Variants in MAP3K4 observed in about 807,000 individuals in gnomAD.
MAP3K4 encodes mitogen-activated protein kinase kinase kinase 4, also known as MAP three kinase 1.
A neutral mutation model predicts 185.6 loss-of-function variants in MAP3K4; 67 were observed. The observed-to-expected ratio is 0.36, with a 90% CI of 0.30 to 0.44. The LOEUF is 0.44. Ranked by LOEUF, MAP3K4 falls within the 20% of genes least tolerant of loss-of-function variation. The pLI is 1.00. For synonymous variants in MAP3K4, 702 were observed against 710.4 expected (o/e 0.99, Z 0.19); for missense variants, 1,551 against 1,995.1 (o/e 0.78, Z 4.24).
Position 161,087,656 on chromosome 6 carries a change from T to C in MAP3K4, c.2557-32T>C. The C allele has an allele frequency of 6.2e-7, 1 of 1,610,050 alleles. No individual in the cohort carries two copies. The highest frequency in any genetic ancestry group is 1.1e-5 in the South Asian group (1 of 90,892). The stretch of plus-strand genomic sequence containing the variant: ...TAACCTATTTCTCTAATGTACAGTG[T>C]TCCTTAAGATTTTGGATTATGTCTT... On this transcript the variant is annotated intron_variant, in intron 9 of 26. Coordinates refer to ENST00000392142, the MANE Select transcript of MAP3K4 (RefSeq NM_005922.4). The surrounding 1 kb of genome is among the most constrained non-coding windows in gnomAD (Gnocchi z 4.9).
rs1309759463 is a variant in MAP3K4, at chr6:161,114,818, T to C, written c.4627-305T>C. Among the ~76,000 whole-genome samples, 1 of 152,208 alleles carries C rather than the reference T, an allele frequency of 6.6e-6. No homozygotes were observed. Among genetic ancestry groups the C allele is most frequent in the Non-Finnish European group, 1.5e-5 (1 of 68,030 alleles). On this transcript the variant is annotated intron_variant, in intron 25 of 26. Transcript: ENST00000392142. This position sits in a 1 kb window ranked among gnomAD's most constrained non-coding sequence, Gnocchi z 4.3. ...GGCTTCTAGATACTGTTGGACTAAA[T>C]AGTGCACCCCAAATGGAGTAGGCAA... is the stretch of plus-strand genomic sequence containing the variant.
intron 1 of MAP3K4, among the ~76,000 whole-genome samples, chr6:161,031,790 A>C (rs1238480022): frequency 6.6e-6 from 1 of 152,236 alleles, no homozygotes; most frequent in Non-Finnish European, 1.5e-5. Context: ...TTAAAATTCC[A>C]GATTATTAGT....
chr6:161,094,426 CAATG>C (rs537737983), intron 15 of MAP3K4, among the ~76,000 whole-genome samples: 19 of 152,214 alleles, frequency 1.2e-4, no homozygotes, highest in East Asian at 7.7e-4. Flanking sequence ...TTTACAGTAA[CAATG>C]AATGATTAAC....
chr6:161,076,535 G>A lies in MAP3K4; in HGVS notation c.2097+2923G>A, dbSNP rs1020339039. ...GGAACATCAAATCTAAATCAAAGCT[G>A]TGAATTGTTATCTCATTTCCTGGGT... On this transcript the variant is annotated intron_variant, in intron 5 of 26. Transcript: ENST00000392142. This position sits in a 1 kb window ranked among gnomAD's most constrained non-coding sequence, Gnocchi z 4.2. 1.3e-5 allele frequency among the ~76,000 whole-genome samples: 2 copies of A among 152,206 alleles called. No individual in the cohort carries two copies. The highest frequency in any genetic ancestry group is 2.4e-5 in the African/African-American group (1 of 41,454).
At chr6:161,028,923 A>G (rs540797325) in intron 1 of MAP3K4, among the ~76,000 whole-genome samples, 1 of 152,348 alleles carries the variant, frequency 6.6e-6, no homozygotes, top group East Asian at 1.9e-4. Context: ...TGGATAACTT[A>G]TTAATAAATT....
Position 161,073,907 on chromosome 6 carries a change from C to T in MAP3K4, c.2097+295C>T, listed in dbSNP as rs1390877979. Among the ~76,000 whole-genome samples the T allele has an allele frequency of 6.6e-6, 1 of 152,152 alleles. No individual in the cohort carries two copies. Among genetic ancestry groups the T allele is most frequent in the Non-Finnish European group, 1.5e-5 (1 of 68,010 alleles). ...TTTTAAGTTGGAAGTTTTTGACAAA[C>T]GTTAACCTAGTTCATTCTTTACTTG... On this transcript the variant is annotated intron_variant, in intron 5 of 26. Transcript: ENST00000392142. This position sits in a 1 kb window ranked among gnomAD's most constrained non-coding sequence, Gnocchi z 4.2.
chr6:161,050,768 T>C (rs1422868862), intron 3 of MAP3K4, among the ~76,000 whole-genome samples: 2 of 152,224 alleles, frequency 1.3e-5, no homozygotes, highest in African/African-American at 4.8e-5. Context: ...GTGATTTTGC[T>C]TTTCTGGTGA....
At chr6:161,003,532 A>G (rs955303774) in intron 1 of MAP3K4, among the ~76,000 whole-genome samples, 11 of 152,168 alleles carry the variant, frequency 7.2e-5, no homozygotes, top group Admixed American at 1.3e-4. Context: ...TAAACATTAC[A>G]TCAGAAGACT....
rs1011092076 is a variant in MAP3K4 at position 160,996,376 on chromosome 6, A to G, written c.152+4293A>G. On this transcript the variant is annotated intron_variant, in intron 1 of 26. Coordinates refer to ENST00000392142, the MANE Select transcript of MAP3K4 (RefSeq NM_005922.4). This position sits in a 1 kb window ranked among gnomAD's most constrained non-coding sequence, Gnocchi z 4.5. ...TGTTAGAGGCCACTCTGTTTCCTTC[A>G]TGTATGCTCTCATGGTGTCCTGCAA... Among the ~76,000 whole-genome samples, 12 of 152,134 alleles carry G rather than the reference A, an allele frequency of 7.9e-5. No homozygotes were observed. The highest frequency in any genetic ancestry group is 2.9e-4 in the African/African-American group (12 of 41,414).
At chr6:161,047,479 T>TATATATA (rs1783787474) in intron 2 of MAP3K4, among the ~76,000 whole-genome samples, 4 of 152,098 alleles carry the variant, frequency 2.6e-5, no homozygotes, top group African/African-American at 4.8e-5. Flanking sequence ...ATATATAACG[T>TATATATA]TCTAATTTCA....
chr6:161,006,625 C>T (rs921813963), intron 1 of MAP3K4, among the ~76,000 whole-genome samples: 2 of 152,116 alleles, frequency 1.3e-5, no homozygotes, highest in Non-Finnish European at 2.9e-5. Context: ...TACTTATCTG[C>T]GAGCCAGTCA....
At chr6:161,045,924 CCTTT>C (rs1783711023) in intron 2 of MAP3K4, among the ~76,000 whole-genome samples, 1 of 152,100 alleles carries the variant, frequency 6.6e-6, no homozygotes, top group African/African-American at 2.4e-5. Flanking sequence ...GTCTTCATTG[CCTTT>C]CTTCTGCACA....
intron 3 of MAP3K4, among the ~76,000 whole-genome samples, chr6:161,059,837 G>A (rs1029780535): frequency 4.9e-5 from 7 of 142,218 alleles, no homozygotes; most frequent in Non-Finnish European, 1.1e-4. Context: ...TTTCTAAAGT[G>A]TTTTAGTCTG....
intron 1 of MAP3K4, among the ~76,000 whole-genome samples, chr6:161,026,562 T>A (rs1782671382): frequency 6.6e-6 from 1 of 152,136 alleles, no homozygotes; most frequent in African/African-American, 2.4e-5. Context: ...TTGGAGGTAG[T>A]AGATTTGGTA....
chr6:161,040,420 CAA>C (rs1679204235), intron 2 of MAP3K4, among the ~76,000 whole-genome samples: 4 of 152,124 alleles, frequency 2.6e-5, no homozygotes, highest in Non-Finnish European at 4.4e-5. Flanking sequence ...CGTGAGGAAT[CAA>C]AGAAAGTTAT....
chr6:161,021,393 C>G (rs73784714), intron 1 of MAP3K4, among the ~76,000 whole-genome samples: 6,651 of 152,266 alleles, frequency 0.044, 471 homozygotes, highest in African/African-American at 0.15. Flanking sequence ...GCTCCTTTCA[C>G]TCTCAGATGA....
At position 161,108,854 on chromosome 6, in the gene MAP3K4, C is replaced by T; in HGVS notation, c.4231C>T (p.His1411Tyr). The change falls in exon 22 of 27, where the codon CAT becomes TAT. Residue 1411 changes from histidine (H) to tyrosine (Y), a missense_variant. By Grantham distance (83) the His-to-Tyr change is moderately conservative. This residue lies in a region of MAP3K4 where 159 missense variants were observed against 300.5 expected (regional missense o/e 0.53). Coordinates refer to ENST00000392142, the MANE Select transcript of MAP3K4 (RefSeq NM_005922.4). The surrounding 1 kb of genome is among the most constrained non-coding windows in gnomAD (Gnocchi z 5.7). Reference sequence around the variant, plus strand: ...GGTTCGGTATTTTGGTGTGGAGCTCCATAGAGTAAGCCGACCCTAATGCCA... The same window carrying T: ...GGTTCGGTATTTTGGTGTGGAGCTCTATAGAGTAAGCCGACCCTAATGCCA... ...NLVRYFGVELHREEMYIFMEY... is the reference protein window; with the variant it reads ...NLVRYFGVELYREEMYIFMEY... The T allele has an allele frequency of 6.2e-7, 1 of 1,612,966 alleles. No homozygotes were observed. The highest frequency in any genetic ancestry group is 8.5e-7 in the Non-Finnish European group (1 of 1,179,002).
rs1162552070 is a variant in MAP3K4, at chr6:161,093,702, T to G, written c.3349-71T>G. On this transcript the variant is annotated intron_variant, in intron 14 of 26. Coordinates refer to ENST00000392142, the MANE Select transcript of MAP3K4 (RefSeq NM_005922.4). The surrounding 1 kb of genome is among the most constrained non-coding windows in gnomAD (Gnocchi z 5.2). ...TTTAAAAATATACTGAAAATTAATT[T>G]GTGCTACTTACATAATTAAGAAAGT... 1.2e-6 allele frequency: 1 copy of G among 850,346 alleles called. No individual in the cohort carries two copies. The highest frequency in any genetic ancestry group is 1.9e-6 in the Non-Finnish European group (1 of 522,060). 52.7% of individuals were successfully genotyped at this position (850,346 alleles called of 1,614,324 possible). A position where few individuals can be genotyped will look rare whatever the true frequency, so the allele number is the denominator to read the frequency against.
In MAP3K4 at chr6:161,091,638, A is replaced by G; in HGVS notation, c.3135+98A>G. On this transcript the variant is annotated intron_variant, in intron 12 of 26. Transcript: ENST00000392142. The surrounding 1 kb of genome is among the most constrained non-coding windows in gnomAD (Gnocchi z 5.5). ...CTTTTACAGTAAATCTGATATTGTA[A>G]TCATAGCTTAATCAAGAATATCATC... is the stretch of plus-strand genomic sequence containing the variant. The G allele has an allele frequency of 9.7e-7, 1 of 1,032,760 alleles. No individual in the cohort carries two copies. Among genetic ancestry groups the G allele is most frequent in the African/African-American group, 1.6e-5 (1 of 61,900 alleles). 64.0% of individuals were successfully genotyped at this position (1,032,760 alleles called of 1,614,324 possible).
Sources: gnomAD v4.1 joint callset for allele counts (sites outside exome capture counted in the v4.1 genomes callset) on GRCh38, gnomAD v4.1.1 for gene constraint, gnomAD v4.1.1 regional missense constraint, Gnocchi (gnomAD v3.1) non-coding constraint, MANE v1.5 for transcripts, NCBI Gene and HGNC (gene_info 2026-07-23, HGNC 2026-07-21) for gene names.